Variants in TERT observed in about 807,000 individuals in gnomAD.
TERT encodes telomerase reverse transcriptase, also known as telomerase catalytic subunit.
In TERT, 42 loss-of-function variants were observed where a neutral mutation model predicts 104.0. The ratio of observed to expected loss-of-function variants is 0.40; its 90% CI spans 0.32 to 0.52. The LOEUF (loss-of-function observed/expected upper bound fraction) is 0.52. Ranked by LOEUF, TERT falls within the 20% of genes least tolerant of loss-of-function variation. The pLI is 0.43. For synonymous variants in TERT, 781 were observed against 725.6 expected, an observed-to-expected ratio of 1.08 and a Z score of -1.23; for missense variants, 1,101 against 1,610.3, an observed-to-expected ratio of 0.68 and a Z score of 5.41.
At chr5:1,266,640 T>C in intron 9 of TERT, 105 bp from the exon 10 acceptor site, 1 of 975,638 alleles carries the variant, frequency 1.0e-6, no homozygotes, top group Non-Finnish European at 1.6e-6. Flanking sequence ...ATAAATAAAG[T>C]AACATTCTCC....
rs928634107 is a variant in TERT, at chr5:1,288,981, A to C, written c.1573+4332T>G. ...GCTTGGGGACCAGCACTGCGCCTGC[A>C]CCATCTACCCAGGCAATGGGCAACC... On this transcript the variant is annotated intron_variant, in intron 2 of 15. Transcript: ENST00000310581. The surrounding 1 kb of genome is among the most constrained non-coding windows in gnomAD (Gnocchi z 5.3). Among the ~76,000 whole-genome samples, 2 of 152,184 alleles carry C rather than the reference A, an allele frequency of 1.3e-5. No homozygotes were observed. Among genetic ancestry groups the C allele is most frequent in the Non-Finnish European group, 2.9e-5 (2 of 68,026 alleles).
chr5:1,275,880 C>A (rs62332563), intron 6 of TERT, among the ~76,000 whole-genome samples: 1 of 120,834 alleles, frequency 8.3e-6, no homozygotes, highest in Non-Finnish European at 1.7e-5. Flanking sequence ...ACCAATCCCA[C>A]AGATCCCCAC....
chr5:1,254,596 G>A (rs1373586873), intron 14 of TERT, 91 bp from the exon 15 acceptor site: 12 of 1,475,400 alleles, frequency 8.1e-6, no homozygotes, highest in East Asian at 2.5e-5. Context: ...GACGGTCTGC[G>A]GGGTGGCTCC....
In TERT at chr5:1,286,042, G is replaced by A. The variant is rs933175785; in HGVS notation, c.1574-3418C>T. On this transcript the variant is annotated intron_variant, in intron 2 of 15. Transcript: ENST00000310581. The surrounding 1 kb of genome is among the most constrained non-coding windows in gnomAD (Gnocchi z 5.3). Reference sequence around the variant, plus strand: ...CGCAGGTTTGCGCGATTTCAAACTCGACACCGCGGAGCCACCAGACCCCGA... The same window carrying A: ...CGCAGGTTTGCGCGATTTCAAACTCAACACCGCGGAGCCACCAGACCCCGA... Among the ~76,000 whole-genome samples, 1 of 152,054 alleles carries A rather than the reference G, an allele frequency of 6.6e-6. No individual in the cohort carries two copies. Among genetic ancestry groups the A allele is most frequent in the East Asian group, 1.9e-4 (1 of 5,158 alleles).
intron 6 of TERT, among the ~76,000 whole-genome samples, chr5:1,277,612 G>GT (rs1554040777): frequency 6.7e-6 from 1 of 148,890 alleles, no homozygotes; most frequent in African/African-American, 2.5e-5. Context: ...ATGTGGGGGG[G>GT]GGTCTCCTGG....
chr5:1,272,066 C>T, intron 7 of TERT, 119 bp downstream of exon 7: 1 of 893,084 alleles, frequency 1.1e-6, no homozygotes, highest in South Asian at 1.4e-5. Flanking sequence ...CCCATCACAG[C>T]TCATTCCCCC....
intron 2 of TERT, among the ~76,000 whole-genome samples, chr5:1,291,879 G>A (rs140337803): frequency 6.6e-6 from 1 of 152,312 alleles, no homozygotes; most frequent in Non-Finnish European, 1.5e-5. Flanking sequence ...TCTCCTCAAC[G>A]AAGGAAGCTG....
intron 2 of TERT, among the ~76,000 whole-genome samples, chr5:1,289,125 C>G (rs1437748372): frequency 1.3e-5 from 2 of 151,448 alleles, no homozygotes; most frequent in African/African-American, 4.9e-5. Flanking sequence ...CACCCAGGGA[C>G]AGCGCCTCAC....
At chr5:1,254,605 C>G (rs1747584776) in intron 14 of TERT, 100 bp from the exon 15 acceptor site, 4 of 1,408,920 alleles carry the variant, frequency 2.8e-6, no homozygotes, top group Non-Finnish European at 1.9e-6. Flanking sequence ...CGGGGTGGCT[C>G]CATCTCTGGC....
intron 6 of TERT, among the ~76,000 whole-genome samples, chr5:1,275,138 G>C (rs1749461456): frequency 6.6e-6 from 1 of 152,212 alleles, no homozygotes; most frequent in African/African-American, 2.4e-5. Context: ...ACTTTGGGAG[G>C]CCGAGGTGGG....
intron 12 of TERT, among the ~76,000 whole-genome samples, chr5:1,260,253 T>C (rs925450541): frequency 6.6e-6 from 1 of 152,256 alleles, no homozygotes; most frequent in South Asian, 2.1e-4. Flanking sequence ...TGCATTCGCA[T>C]GTGCACACAC....
chr5:1,282,574 C>A lies in TERT; in HGVS notation c.1624G>T (p.Ala542Ser), dbSNP rs771542084. Reference sequence around the variant, plus strand: ...CTCATCAGCCAGTGCAGGAACTTGGCCAGGATCTCCTCACGCAGACGGTGC... The same window carrying A: ...CTCATCAGCCAGTGCAGGAACTTGGACAGGATCTCCTCACGCAGACGGTGC... The part of the protein sequence containing the change: ...AEHRLREEIL[A>S]KFLHWLMSVY... The change falls in exon 3 of 16, where the codon GCC (alanine) becomes TCC (serine). Residue 542 changes from alanine to serine, a missense_variant. Physicochemically the swap from Ala to Ser is moderately conservative, Grantham distance 99. Transcript: ENST00000310581. 1 of 1,613,996 alleles carries A rather than the reference C, an allele frequency of 6.2e-7. No individual in the cohort carries two copies. Among genetic ancestry groups the A allele is most frequent in the African/African-American group, 1.3e-5 (1 of 74,922 alleles).
At position 1,254,238 on chromosome 5, in the gene TERT, T is replaced by C. The variant is rs1201797202; in HGVS notation, c.3295+130A>G. ...AATCACATAGGGCTGCCAGCGTGGC[T>C]CCAGGCCCCCAGGGTCAGGCCCGGG... On this transcript the variant is annotated intron_variant, in intron 15 of 15. Transcript: ENST00000310581. The C allele has an allele frequency of 2.3e-6, 3 of 1,288,408 alleles. No individual in the cohort carries two copies. In the African/African-American group the frequency reaches 4.4e-5, roughly 19 times the overall value. The allele number at this position is 1,288,408 out of a possible 1,614,324, so 79.8% of individuals were successfully genotyped here.
chr5:1,261,619 C>A lies in TERT; in HGVS notation c.2844-1019G>T, dbSNP rs1032168665. On this transcript the variant is annotated intron_variant, in intron 11 of 15. Coordinates refer to ENST00000310581, the MANE Select transcript of TERT (RefSeq NM_198253.3). This position sits in a 1 kb window ranked among gnomAD's most constrained non-coding sequence, Gnocchi z 7.4. ...CAGGTCTCGCCATCAGTTTCACGTG[C>A]GTTTCTTTGAGGGATGGGTCTCGCT... Among the ~76,000 whole-genome samples, 1 of 152,230 alleles carries A rather than the reference C, an allele frequency of 6.6e-6. No individual in the cohort carries two copies. The highest frequency in any genetic ancestry group is 2.1e-4 in the South Asian group (1 of 4,832).
chr5:1,292,790 G>A lies in TERT; in HGVS notation c.1573+523C>T, dbSNP rs1224417169. Among the ~76,000 whole-genome samples, 1 of 152,176 alleles carries A rather than the reference G, an allele frequency of 6.6e-6. No homozygotes were observed. ...AGCTTCCCAAAGTGCTGGGATTACC[G>A]GCGTGAGCCACCGCACCTGGCCGTC... On this transcript the variant is annotated intron_variant, in intron 2 of 15. Transcript: ENST00000310581. This position sits in a 1 kb window ranked among gnomAD's most constrained non-coding sequence, Gnocchi z 5.5.
intron 6 of TERT, among the ~76,000 whole-genome samples, chr5:1,275,563 G>A (rs571168262): frequency 3.3e-5 from 5 of 151,986 alleles, no homozygotes; most frequent in African/African-American, 1.2e-4. Flanking sequence ...AACAGAACAG[G>A]GAGCCCAGGG....
At chr5:1,260,330 G>A in intron 12 of TERT, 144 bp downstream of exon 12, 1 of 1,303,948 alleles carries the variant, frequency 7.7e-7, no homozygotes, top group South Asian at 1.2e-5. Flanking sequence ...ACATGTATGT[G>A]CTCACGTGTA....
In TERT at chr5:1,253,434, CGG is replaced by C; in HGVS notation, c.*292_*293del. The stretch of plus-strand genomic sequence containing the variant: ...CTATTCCTATGTGGGGAGTGGAAGC[CGG>C]GCTCCTGGTGAGGAAAAGCTGGCCC... On this transcript the variant is annotated 3_prime_UTR_variant, in exon 16 of 16. Coordinates refer to ENST00000310581, the MANE Select transcript of TERT (RefSeq NM_198253.3). The C allele has an allele frequency of 1.8e-6, 1 of 546,608 alleles. No individual in the cohort carries two copies. The highest frequency in any genetic ancestry group is 2.1e-5 in the South Asian group (1 of 48,314). 33.9% of individuals were successfully genotyped at this position (546,608 alleles called of 1,614,324 possible). A position where few individuals can be genotyped will look rare whatever the true frequency, so the allele number is the denominator to read the frequency against.
rs1385156321 is a variant in TERT, at chr5:1,286,078, G to C, written c.1574-3454C>G. ...GCCACCAGACCCCGACATGCCTGGG[G>C]TTTTCCAGGCTGAACCCAGGCCGAG... is the stretch of plus-strand genomic sequence containing the variant. On this transcript the variant is annotated intron_variant, in intron 2 of 15. Coordinates refer to ENST00000310581, the MANE Select transcript of TERT (RefSeq NM_198253.3). The surrounding 1 kb of genome is among the most constrained non-coding windows in gnomAD (Gnocchi z 5.3). 1.3e-5 allele frequency among the ~76,000 whole-genome samples: 2 copies of C among 152,118 alleles called. No individual in the cohort carries two copies. The highest frequency in any genetic ancestry group is 1.3e-4 in the Admixed American group (2 of 15,272).
Sources: gnomAD v4.1 joint callset for allele counts (sites outside exome capture counted in the v4.1 genomes callset) on GRCh38, gnomAD v4.1.1 for gene constraint, Gnocchi (gnomAD v3.1) non-coding constraint, MANE v1.5 for transcripts, NCBI Gene and HGNC (gene_info 2026-07-23, HGNC 2026-07-21) for gene names.